The following SPRING1 variants were observed in gnomAD, a reference collection of about 807,000 sequenced individuals.
SPRING1 encodes the protein SREBP regulating gene protein.
In SPRING1, 14 loss-of-function variants were observed where a neutral mutation model predicts 24.7. That is an observed-to-expected ratio of 0.57 (90% CI 0.37 to 0.88). The LOEUF (loss-of-function observed/expected upper bound fraction) is 0.88, where lower values mean the gene tolerates loss of function less well. Ranked by LOEUF, SPRING1 falls within the 40% of genes least tolerant of loss-of-function variation. The pLI is 0.00. For missense variants in SPRING1, 255 were observed against 268.4 expected (o/e 0.95, Z 0.35); for synonymous variants, 93 against 106.1 (o/e 0.88, Z 0.76).
intron 1 of SPRING1, among the ~76,000 whole-genome samples, chr12:116,732,071 A>G (rs1871001436): frequency 6.6e-6 from 1 of 152,124 alleles, no homozygotes; most frequent in Non-Finnish European, 1.5e-5. Flanking sequence ...CCTGCTAACT[A>G]CTACCCCAGG....
At position 116,711,462 on chromosome 12, in the gene SPRING1, G is replaced by C. The variant is rs996702331; in HGVS notation, c.*6348C>G. ...AGGCAGGAGAATGGCGTGAACCCAG[G>C]AGGCAGAGCTTGCAGCGAGCCCAGA... is the stretch of plus-strand genomic sequence containing the variant. On this transcript the variant is annotated 3_prime_UTR_variant, in exon 5 of 5. Coordinates refer to ENST00000261318, the MANE Select transcript of SPRING1 (RefSeq NM_024738.4). 9.2e-5 allele frequency: 14 copies of C among 152,140 alleles called. No homozygotes were observed. Among genetic ancestry groups the C allele is most frequent in the African/African-American group, 3.4e-4 (14 of 41,410 alleles). The allele number at this position is 152,140 out of a possible 1,614,324, so 9.4% of individuals were successfully genotyped here. A position where few individuals can be genotyped will look rare whatever the true frequency, so the allele number is the denominator to read the frequency against.
Position 116,737,871 on chromosome 12 carries a change from G to T in SPRING1, c.30C>A (p.Arg10=). Residue 10 remains arginine, a synonymous_variant, in exon 1 of 5, where the codon CGC becomes CGA. Coordinates refer to ENST00000261318, the MANE Select transcript of SPRING1 (RefSeq NM_024738.4). The part of the protein sequence containing the change: MVNLAAMVW[R]RLLRKRWVLA... ...GCACCCACCTCTTCCGCAGAAGCCG[G>T]CGCCACACCATGGCCGCCAGGTTCA... 5 of 1,576,102 alleles carry T rather than the reference G, an allele frequency of 3.2e-6. No homozygotes were observed. The highest frequency in any genetic ancestry group is 4.3e-6 in the Non-Finnish European group (5 of 1,162,626).
rs1791467384 is a variant in SPRING1, at chr12:116,713,582, T to C, written c.*4228A>G. On this transcript the variant is annotated 3_prime_UTR_variant, in exon 5 of 5. Coordinates refer to ENST00000261318, the MANE Select transcript of SPRING1 (RefSeq NM_024738.4). ...CACTAGGTGAATATATTGGTGAAAA[T>C]AGTTCAGATAAACATACAACCATGT... The C allele has an allele frequency of 6.6e-6, 1 of 152,158 alleles. No homozygotes were observed. Among genetic ancestry groups the C allele is most frequent in the African/African-American group, 2.4e-5 (1 of 41,430 alleles). The allele number at this position is 152,158 out of a possible 1,614,324, so 9.4% of individuals were successfully genotyped here. A position where few individuals can be genotyped will look rare whatever the true frequency, so the allele number is the denominator to read the frequency against.
rs1870346720 is a variant in SPRING1 at position 116,720,027 on chromosome 12, A to G, written c.421-151T>C. On this transcript the variant is annotated intron_variant, in intron 3 of 4. Coordinates refer to ENST00000261318, the MANE Select transcript of SPRING1 (RefSeq NM_024738.4). This position sits in a 1 kb window ranked among gnomAD's most constrained non-coding sequence, Gnocchi z 4.0. ...GAGGGGAAAGGACACACGCGTGCAC[A>G]CACGTGCATGCCAAAACACCCTGGG... 8.2e-6 allele frequency: 6 copies of G among 730,564 alleles called. No individual in the cohort carries two copies. The Admixed American group carries it at 1.1e-4, about 13-fold the overall frequency. The allele number at this position is 730,564 out of a possible 1,614,324, so 45.3% of individuals were successfully genotyped here.
chr12:116,727,837 C>A (rs1870776545), intron 1 of SPRING1, among the ~76,000 whole-genome samples: 1 of 152,056 alleles, frequency 6.6e-6, no homozygotes, highest in Admixed American at 6.6e-5. Context: ...GTAACTGTTC[C>A]TCTCCTCTAC....
chr12:116,723,887 A>G (rs1286950491), intron 1 of SPRING1, among the ~76,000 whole-genome samples: 1 of 152,202 alleles, frequency 6.6e-6, no homozygotes, highest in Non-Finnish European at 1.5e-5. Flanking sequence ...CCCTGGAGTC[A>G]AGAGTTGAAG....
chr12:116,729,410 G>C (rs1264613994), intron 1 of SPRING1, among the ~76,000 whole-genome samples: 2 of 152,272 alleles, frequency 1.3e-5, no homozygotes, highest in Non-Finnish European at 2.9e-5. Flanking sequence ...TTGGAAAACA[G>C]TTGTGCAGTT....
At position 116,710,509 on chromosome 12, in the gene SPRING1, G is replaced by A. The variant is rs1156601656; in HGVS notation, c.*7301C>T. 1 of 152,248 alleles carries A rather than the reference G, an allele frequency of 6.6e-6. No individual in the cohort carries two copies. The highest frequency in any genetic ancestry group is 2.4e-5 in the African/African-American group (1 of 41,466). The allele number at this position is 152,248 out of a possible 1,614,324, so 9.4% of individuals were successfully genotyped here. ...GAGCACTGCATTAAGGCTCAGAAAC[G>A]TAGTACCGTTGTGTGCTTCTCTGCC... On this transcript the variant is annotated 3_prime_UTR_variant, in exon 5 of 5. Coordinates refer to ENST00000261318, the MANE Select transcript of SPRING1 (RefSeq NM_024738.4).
At position 116,716,087 on chromosome 12, in the gene SPRING1, CA is replaced by C. The variant is rs1870115255; in HGVS notation, c.*1722del. 1 of 152,218 alleles carries C rather than the reference CA, an allele frequency of 6.6e-6. No homozygotes were observed. The allele number at this position is 152,218 out of a possible 1,614,324, so 9.4% of individuals were successfully genotyped here. A position where few individuals can be genotyped will look rare whatever the true frequency, so the allele number is the denominator to read the frequency against. On this transcript the variant is annotated 3_prime_UTR_variant, in exon 5 of 5. Transcript: ENST00000261318. ...ACAATAGATGGATGAGACATGCAGA[CA>C]TGCCACAATCCGGCACATCAGAGTT... is the stretch of plus-strand genomic sequence containing the variant.
chr12:116,726,627 C>A (rs1169841778), intron 1 of SPRING1, among the ~76,000 whole-genome samples: 1 of 151,946 alleles, frequency 6.6e-6, no homozygotes, highest in Non-Finnish European at 1.5e-5. Context: ...TGCTTAACTA[C>A]CTGTAAATTC....
At chr12:116,722,468 C>T (rs1466758207) in intron 2 of SPRING1, among the ~76,000 whole-genome samples, 1 of 152,226 alleles carries the variant, frequency 6.6e-6, no homozygotes, top group African/African-American at 2.4e-5. Context: ...TGTCTGCCCA[C>T]TGACTATGTC....
In SPRING1 at chr12:116,713,650, AAAC is replaced by A. The variant is rs1222459264; in HGVS notation, c.*4157_*4159del. On this transcript the variant is annotated 3_prime_UTR_variant, in exon 5 of 5. Transcript: ENST00000261318. ...ATCAATGCATTATTTGTAGTAGCAA[AAAC>A]AACAAGCAGCCTTGGAAACCAGTTA... 2.0e-5 allele frequency: 3 copies of A among 152,354 alleles called. No homozygotes were observed. The highest frequency in any genetic ancestry group is 4.1e-4 in the South Asian group (2 of 4,826). The allele number at this position is 152,354 out of a possible 1,614,324, so 9.4% of individuals were successfully genotyped here.
At chr12:116,723,028 G>A (rs758163136) in intron 2 of SPRING1, 39 bp downstream of exon 2, 9 of 1,611,014 alleles carry the variant, frequency 5.6e-6, no homozygotes, top group East Asian at 2.2e-5. Context: ...ACCAGCCTAC[G>A]CTCCTGACCG....
chr12:116,718,913 T>C (rs539643176), intron 4 of SPRING1, among the ~76,000 whole-genome samples: 1 of 152,222 alleles, frequency 6.6e-6, no homozygotes, highest in Non-Finnish European at 1.5e-5. Flanking sequence ...CCAATGATAC[T>C]GAATGCTCGC....
chr12:116,716,671 A>C lies in SPRING1; in HGVS notation c.*1139T>G, dbSNP rs1258502073. On this transcript the variant is annotated 3_prime_UTR_variant, in exon 5 of 5. Transcript: ENST00000261318. ...GTGTAGCATTCTCTAAGTCATAATG[A>C]CCATTCTCATCTCCCACTGAGGGCA... The C allele has an allele frequency of 6.6e-6, 1 of 152,428 alleles. No homozygotes were observed. The highest frequency in any genetic ancestry group is 1.5e-5 in the Non-Finnish European group (1 of 68,026). The allele number at this position is 152,428 out of a possible 1,614,324, so 9.4% of individuals were successfully genotyped here. A position where few individuals can be genotyped will look rare whatever the true frequency, so the allele number is the denominator to read the frequency against.
chr12:116,737,641 G>T, intron 1 of SPRING1, 149 bp downstream of exon 1: 1 of 881,740 alleles, frequency 1.1e-6, no homozygotes, highest in Non-Finnish European at 1.6e-6. Context: ...GGAAGGAAGG[G>T]AAGGGGAGAA....
At chr12:116,723,011 T>C (rs1465672061) in intron 2 of SPRING1, 56 bp downstream of exon 2, 7 of 1,604,722 alleles carry the variant, frequency 4.4e-6, no homozygotes, top group Non-Finnish European at 6.0e-6. Context: ...ACCCTATGAA[T>C]GGCCCAACCA....
intron 1 of SPRING1, 51 bp downstream of exon 1, chr12:116,737,739 G>T: frequency 6.0e-6 from 9 of 1,500,778 alleles, no homozygotes; most frequent in Non-Finnish European, 8.1e-6. Context: ...AAAGTAAGGG[G>T]GAGGAAGGAA....
chr12:116,726,792 A>G (rs979423236), intron 1 of SPRING1, among the ~76,000 whole-genome samples: 1 of 152,238 alleles, frequency 6.6e-6, no homozygotes, highest in African/African-American at 2.4e-5. Flanking sequence ...TTTTACGACA[A>G]GGTTAAAAGT....
Sources: allele counts gnomAD v4.1 joint callset (sites outside exome capture counted in the v4.1 genomes callset), GRCh38; gene constraint gnomAD v4.1.1; non-coding constraint Gnocchi (gnomAD v3.1); transcripts MANE v1.5; gene names NCBI Gene and HGNC (gene_info 2026-07-23, HGNC 2026-07-21).